CNBD2: variants seen among roughly 807,000 people sequenced by gnomAD.
CNBD2 encodes the protein cyclic nucleotide binding domain containing 2, also known as cyclic nucleotide-binding domain-containing protein 2.
In CNBD2, 64 loss-of-function variants were observed where a neutral mutation model predicts 63.7. The ratio of observed to expected loss-of-function variants is 1.00; its 90% CI spans 0.82 to 1.24. The LOEUF (loss-of-function observed/expected upper bound fraction) is 1.24, where lower values mean the gene tolerates loss of function less well. CNBD2 is among the 50% of genes most tolerant of loss of function. CNBD2 has a pLI of 0.00. For synonymous variants in CNBD2, 229 were observed against 255.4 expected, an observed-to-expected ratio of 0.90 and a Z score of 0.99; for missense variants, 691 against 713.5, an observed-to-expected ratio of 0.97 and a Z score of 0.36.
intron 7 of CNBD2, among the ~76,000 whole-genome samples, chr20:35,988,458 A>G (rs1458391689): frequency 1.3e-5 from 2 of 152,232 alleles, no homozygotes; most frequent in Admixed American, 1.3e-4. Flanking sequence ...GATGTTAGCC[A>G]CCACACCCAA....
chr20:35,960,378 T>C lies in CNBD2; in HGVS notation c.228+2604T>C, dbSNP rs112561276. ...TGTCATCCAAGCTCAGTGTCATTAG[T>C]TATTCAGAAAATTCAGTGCAGTGTT... On this transcript the variant is annotated intron_variant, in intron 2 of 4. Coordinates refer to the CNBD2 transcript ENST00000622112. Among the ~76,000 whole-genome samples the C allele has an allele frequency of 6.2e-3, 939 of 152,334 alleles. 13 individuals are homozygous for C. The highest frequency in any genetic ancestry group is 0.02 in the African/African-American group (826 of 41,574).
chr20:36,016,162 G>A (rs1412468672), intron 10 of CNBD2, among the ~76,000 whole-genome samples: 2 of 152,054 alleles, frequency 1.3e-5, no homozygotes, highest in East Asian at 1.9e-4. Flanking sequence ...TTTAACTGTG[G>A]CATCCCACAA....
intron 10 of CNBD2, among the ~76,000 whole-genome samples, chr20:36,016,173 A>G (rs1183673601): frequency 6.6e-6 from 1 of 152,206 alleles, no homozygotes; most frequent in Non-Finnish European, 1.5e-5. Flanking sequence ...CATCCCACAA[A>G]ATACTCAATG....
intron 10 of CNBD2, among the ~76,000 whole-genome samples, chr20:36,013,134 A>G (rs2147338435): frequency 6.6e-6 from 1 of 151,440 alleles, no homozygotes; most frequent in African/African-American, 2.4e-5. Context: ...AAGAAAAAAA[A>G]TCAGCCAGGC....
chr20:35,954,401 C>T (rs2147153313), upstream of CNBD2: 1 of 1,558,502 alleles, frequency 6.4e-7, no homozygotes, highest in Non-Finnish European at 8.7e-7. Context: ...TCGCGTCACC[C>T]TTGAGGGAGT....
At chr20:36,022,101 C>T (rs1193237667) in intron 10 of CNBD2, among the ~76,000 whole-genome samples, 1 of 151,040 alleles carries the variant, frequency 6.6e-6, no homozygotes, top group Non-Finnish European at 1.5e-5. Flanking sequence ...CTCTACCTCT[C>T]TGATTGAAAT....
At chr20:35,987,776 A>G (rs961439850) in intron 7 of CNBD2, among the ~76,000 whole-genome samples, 1 of 152,242 alleles carries the variant, frequency 6.6e-6, no homozygotes, top group African/African-American at 2.4e-5. Flanking sequence ...TGAGCTCCTA[A>G]GCATGCTTAT....
intron 8 of CNBD2, among the ~76,000 whole-genome samples, chr20:35,999,564 G>A (rs967002753): frequency 6.6e-6 from 1 of 151,810 alleles, no homozygotes; most frequent in African/African-American, 2.4e-5. Flanking sequence ...ATCTTACAAT[G>A]ATATATTTCC....
At chr20:36,009,581 C>T (rs918826792) in intron 9 of CNBD2, among the ~76,000 whole-genome samples, 15 of 151,966 alleles carry the variant, frequency 9.9e-5, no homozygotes, top group African/African-American at 3.6e-4. Context: ...CCTGTAATCC[C>T]AACACTTTGG....
At chr20:36,024,488 G>A (rs1011667142) in intron 11 of CNBD2, among the ~76,000 whole-genome samples, 2 of 151,048 alleles carry the variant, frequency 1.3e-5, no homozygotes, top group African/African-American at 4.9e-5. Flanking sequence ...AATTAGCCAG[G>A]CATGGTAGTG....
intron 8 of CNBD2, among the ~76,000 whole-genome samples, chr20:36,004,584 T>C (rs1339870615): frequency 6.6e-6 from 1 of 151,940 alleles, no homozygotes; most frequent in Non-Finnish European, 1.5e-5. Flanking sequence ...TTTTTTTTTT[T>C]GAGACAGGGT....
intron 10 of CNBD2, among the ~76,000 whole-genome samples, chr20:36,020,771 C>T (rs941861605): frequency 1.3e-5 from 2 of 152,120 alleles, no homozygotes; most frequent in Admixed American, 6.6e-5. Flanking sequence ...CTAGGAGGGC[C>T]TTTGTTCCCA....
In CNBD2 at chr20:35,984,021, G is replaced by A. The variant is rs1192981456; in HGVS notation, c.447G>A (p.Lys149=). The A allele has an allele frequency of 6.2e-7, 1 of 1,614,180 alleles. No homozygotes were observed. The part of the protein sequence containing the change: ...RRRVIIKKGQ[K]GNSFYFIYLG... ...GTGTGATCATCAAGAAGGGGCAGAA[G>A]GGCAACAGCTTTTATTTCATCTACC... is the stretch of plus-strand genomic sequence containing the variant. Residue 149 remains lysine (K), a synonymous_variant, in exon 5 of 12, where the codon AAG becomes AAA. Coordinates refer to ENST00000373973, the MANE Select transcript of CNBD2 (RefSeq NM_001365709.1).
chr20:36,007,036 A>G (rs879928363), intron 8 of CNBD2, among the ~76,000 whole-genome samples: 7 of 151,942 alleles, frequency 4.6e-5, no homozygotes, highest in Non-Finnish European at 7.4e-5. Context: ...AAAAATACAG[A>G]AAATTAGCTG....
Position 36,030,552 on chromosome 20 carries a change from T to C in CNBD2, c.1635T>C (p.Tyr545=), listed in dbSNP as rs530240069. 4.3e-6 allele frequency: 7 copies of C among 1,614,170 alleles called. No individual in the cohort carries two copies. In the Admixed American group the frequency reaches 1.0e-4, roughly 23 times the overall value. Residue 545 remains tyrosine, a synonymous_variant, in exon 12 of 12, where the codon TAT becomes TAC. Transcript: ENST00000373973. ...TCAACAAGACGACTAAACCTCGTTA[T>C]CCTATTTTTATGGCACCCCAGAAAT... ...CSINKTTKPR[Y]PIFMAPQKYL... is the part of the protein sequence containing the mutation.
Position 36,030,271 on chromosome 20 carries a change from A to G in CNBD2, c.1440-86A>G, listed in dbSNP as rs1013505662. 2.3e-6 allele frequency: 3 copies of G among 1,300,916 alleles called. No individual in the cohort carries two copies. In the African/African-American group the frequency reaches 4.4e-5, roughly 19 times the overall value. 80.6% of individuals were successfully genotyped at this position (1,300,916 alleles called of 1,614,324 possible). ...TCAGAGAAGCAGAATGAAGCGCCAC[A>G]TGCTTAGGGAGGGGAGAGTGGCAGG... On this transcript the variant is annotated intron_variant, in intron 11 of 11. Transcript: ENST00000373973.
intron 9 of CNBD2, among the ~76,000 whole-genome samples, chr20:36,010,444 CAA>C (rs147122121): frequency 2.2e-4 from 20 of 92,918 alleles, no homozygotes; most frequent in Admixed American, 4.9e-4. Flanking sequence ...AACTCTGTCT[CAA>C]AAAAAAAAAA....
At chr20:35,968,839 G>A (rs771871437) in intron 1 of CNBD2, 26 bp downstream of exon 1, 2 of 1,584,766 alleles carry the variant, frequency 1.3e-6, no homozygotes, top group Admixed American at 3.5e-5. Flanking sequence ...GGCCCTGGGA[G>A]GGAAGAGCAG....
At chr20:35,966,389 A>G (rs768984380), upstream of CNBD2, among the ~76,000 whole-genome samples, 6 of 152,028 alleles carry the variant, frequency 3.9e-5, no homozygotes, top group Non-Finnish European at 5.9e-5. Context: ...CTGTCTACCT[A>G]TCAGTTGGAG....
Sources: gnomAD v4.1 joint callset for allele counts (sites outside exome capture counted in the v4.1 genomes callset) on GRCh38, gnomAD v4.1.1 for gene constraint, MANE v1.5 for transcripts, NCBI Gene and HGNC (gene_info 2026-07-23, HGNC 2026-07-21) for gene names.